The following FHIP1A variants were observed in gnomAD, a reference collection of about 807,000 sequenced individuals.
The protein encoded by FHIP1A is FHF complex subunit HOOK-interacting protein 1A.
Under a neutral mutation model 88.6 loss-of-function variants are expected in FHIP1A, and 61 were observed. That is an observed-to-expected ratio of 0.69 (90% CI 0.56 to 0.85). The LOEUF is 0.85. FHIP1A is among the 40% of genes least tolerant of loss of function. The pLI is 0.00. For synonymous variants in FHIP1A, 478 were observed against 496.0 expected (o/e 0.96, Z 0.48); for missense variants, 1,154 against 1,273.5 (o/e 0.91, Z 1.43).
rs773571587 is a variant in FHIP1A at position 151,641,660 on chromosome 4, A to T, written c.1226+2904A>T. Among the ~76,000 whole-genome samples the T allele has an allele frequency of 5.3e-5, 8 of 152,244 alleles. 1 individual carries two copies. Among genetic ancestry groups the T allele is most frequent in the Non-Finnish European group, 1.2e-4 (8 of 68,044 alleles). On this transcript the variant is annotated intron_variant, in intron 9 of 13. Coordinates refer to ENST00000435205, the MANE Select transcript of FHIP1A (RefSeq NM_001109977.3). Reference sequence around the variant, plus strand: ...TTAGACACCCCTGCTATAAAGTATAACACACATTTTAAGGGAGGGAATTTT... The same window carrying T: ...TTAGACACCCCTGCTATAAAGTATATCACACATTTTAAGGGAGGGAATTTT...
chr4:151,627,009 A>C (rs538705679), intron 7 of FHIP1A, among the ~76,000 whole-genome samples: 32 of 152,312 alleles, frequency 2.1e-4, no homozygotes, highest in Admixed American at 1.5e-3. Flanking sequence ...AGATAATGGG[A>C]CAGGAAAAGA....
At chr4:151,548,101 C>G (rs545827629) in intron 3 of FHIP1A, among the ~76,000 whole-genome samples, 2 of 151,968 alleles carry the variant, frequency 1.3e-5, no homozygotes, top group Admixed American at 6.6e-5. Flanking sequence ...ATAACTTGTG[C>G]TTGAATCTGG....
intron 1 of FHIP1A, among the ~76,000 whole-genome samples, chr4:151,424,679 T>C (rs1733297436): frequency 6.6e-6 from 1 of 152,168 alleles, no homozygotes; most frequent in African/African-American, 2.4e-5. Context: ...GAGAACCAAC[T>C]TGAGTACAGT....
At chr4:151,513,931 C>T (rs1286001145) in intron 3 of FHIP1A, among the ~76,000 whole-genome samples, 1 of 150,420 alleles carries the variant, frequency 6.6e-6, no homozygotes, top group East Asian at 1.9e-4. Context: ...AGGAATTGAA[C>T]TCAGCTCTGC....
chr4:151,527,875 C>A (rs928092115), intron 3 of FHIP1A, among the ~76,000 whole-genome samples: 1 of 150,618 alleles, frequency 6.6e-6, no homozygotes, highest in African/African-American at 2.4e-5. Context: ...CTGCAAAAAA[C>A]CACTCAATGA....
chr4:151,495,998 A>G (rs1217510129), intron 3 of FHIP1A, among the ~76,000 whole-genome samples: 1 of 152,016 alleles, frequency 6.6e-6, no homozygotes, highest in Admixed American at 6.6e-5. Flanking sequence ...CAATATGTCT[A>G]CCGTTTTGAT....
chr4:151,509,766 T>C (rs548019967), intron 3 of FHIP1A, among the ~76,000 whole-genome samples: 1 of 145,772 alleles, frequency 6.9e-6, no homozygotes, highest in African/African-American at 2.5e-5. Flanking sequence ...TGTTTGTGTG[T>C]GTGTGTGTGT....
intron 7 of FHIP1A, among the ~76,000 whole-genome samples, chr4:151,621,087 A>C (rs1285064727): frequency 6.6e-6 from 1 of 152,186 alleles, no homozygotes; most frequent in Non-Finnish European, 1.5e-5. Context: ...GAAAACCAAA[A>C]AGCAAGGAAA....
chr4:151,604,310 T>G (rs776125468), intron 7 of FHIP1A, among the ~76,000 whole-genome samples: 4 of 152,066 alleles, frequency 2.6e-5, no homozygotes, highest in Non-Finnish European at 5.9e-5. Flanking sequence ...ATTTTGCATT[T>G]GACCCTGCTT....
At chr4:151,627,057 A>G (rs1447121788) in intron 7 of FHIP1A, among the ~76,000 whole-genome samples, 1 of 152,230 alleles carries the variant, frequency 6.6e-6, no homozygotes, top group Non-Finnish European at 1.5e-5. Flanking sequence ...CTCTGAGGAT[A>G]TGGTAGAAGG....
chr4:151,609,588 G>T (rs2126844130), intron 7 of FHIP1A, among the ~76,000 whole-genome samples: 1 of 151,872 alleles, frequency 6.6e-6, no homozygotes, highest in African/African-American at 2.4e-5. Context: ...TTTTTTTAAA[G>T]AATATCTGTA....
At chr4:151,594,814 C>T (rs1734585880) in intron 7 of FHIP1A, among the ~76,000 whole-genome samples, 1 of 152,102 alleles carries the variant, frequency 6.6e-6, no homozygotes, top group African/African-American at 2.4e-5. Context: ...ACCTCATGAT[C>T]CTCCCACCTT....
intron 3 of FHIP1A, among the ~76,000 whole-genome samples, chr4:151,484,577 A>C (rs1334391233): frequency 2.6e-5 from 4 of 152,200 alleles, no homozygotes; most frequent in African/African-American, 4.8e-5. Flanking sequence ...GGTGGATACT[A>C]AAGGTAGCAT....
intron 4 of FHIP1A, among the ~76,000 whole-genome samples, chr4:151,568,691 T>A (rs558443207): frequency 3.9e-5 from 6 of 152,184 alleles, no homozygotes; most frequent in Admixed American, 3.3e-4. Context: ...TATTACAAAA[T>A]GAATAACCAT....
intron 7 of FHIP1A, among the ~76,000 whole-genome samples, chr4:151,601,420 G>T (rs1167630322): frequency 1.3e-5 from 2 of 151,946 alleles, no homozygotes; most frequent in Non-Finnish European, 2.9e-5. Context: ...GGTTCCTGTA[G>T]AGTGTGTTTG....
intron 3 of FHIP1A, among the ~76,000 whole-genome samples, chr4:151,489,185 CAGG>C (rs1302559058): frequency 1.3e-5 from 2 of 152,202 alleles, no homozygotes; most frequent in South Asian, 4.1e-4. Flanking sequence ...ATCCAGCTCA[CAGG>C]AGAAGGATTT....
At chr4:151,606,952 G>A (rs1578809999) in intron 7 of FHIP1A, among the ~76,000 whole-genome samples, 1 of 152,228 alleles carries the variant, frequency 6.6e-6, no homozygotes, top group South Asian at 2.1e-4. Flanking sequence ...AGGTGCTGCT[G>A]TTGTCTCCAC....
chr4:151,455,493 CTAG>C (rs1250673094), intron 2 of FHIP1A, among the ~76,000 whole-genome samples: 5 of 152,156 alleles, frequency 3.3e-5, no homozygotes, highest in Admixed American at 6.6e-5. Context: ...GAGTCTAGAG[CTAG>C]CACTGCATGC....
chr4:151,613,687 TTG>T (rs2126851370), intron 7 of FHIP1A, among the ~76,000 whole-genome samples: 1 of 152,336 alleles, frequency 6.6e-6, no homozygotes, highest in South Asian at 2.1e-4. Context: ...CCAGGAGGCT[TTG>T]TGATGGTGGT....
Sources: gnomAD v4.1 joint callset for allele counts (sites outside exome capture counted in the v4.1 genomes callset) on GRCh38, gnomAD v4.1.1 for gene constraint, MANE v1.5 for transcripts, NCBI Gene and HGNC (gene_info 2026-07-23, HGNC 2026-07-21) for gene names.